COL4A2: variants seen among roughly 807,000 people sequenced by gnomAD.
The protein encoded by COL4A2 is collagen alpha-2(IV) chain.
Under a neutral mutation model 200.2 loss-of-function variants are expected in COL4A2, and 99 were observed. The ratio of observed to expected loss-of-function variants is 0.49; its 90% CI spans 0.42 to 0.58. The LOEUF (loss-of-function observed/expected upper bound fraction) is 0.58, where lower values mean the gene tolerates loss of function less well. COL4A2 is among the 20% of genes least tolerant of loss of function. COL4A2 has a pLI of 0.00. For synonymous variants in COL4A2, 897 were observed against 900.6 expected (o/e 1.00, Z 0.07); for missense variants, 1,950 against 2,314.1 (o/e 0.84, Z 3.23).
intron 6 of COL4A2, among the ~76,000 whole-genome samples, chr13:110,427,557 AG>A (rs1396032706): frequency 1.3e-5 from 2 of 152,262 alleles, no homozygotes; most frequent in East Asian, 3.8e-4. Context: ...TTTATTATCA[AG>A]AAAACTAAAG....
Position 110,457,368 on chromosome 13 carries a change from A to C in COL4A2, c.1365A>C (p.Ala455=). The part of the protein sequence containing the change: ...PDGFLFGLKG[A]KGRAGFPGLP... ...GCTTCCTGTTTGGGCTGAAAGGAGC[A>C]AAAGGAAGAGCAGGCTTCCCTGGGC... is the stretch of plus-strand genomic sequence containing the variant. Residue 455 remains alanine, a synonymous_variant, in exon 21 of 48, where the codon GCA becomes GCC. Transcript: ENST00000360467. 6.2e-7 allele frequency: 1 copy of C among 1,613,292 alleles called. No homozygotes were observed. Among genetic ancestry groups the C allele is most frequent in the Non-Finnish European group, 8.5e-7 (1 of 1,179,312 alleles).
In COL4A2 at chr13:110,503,955, C is replaced by G; in HGVS notation, c.4247C>G (p.Pro1416Arg). The G allele has an allele frequency of 1.9e-6, 3 of 1,571,658 alleles. No homozygotes were observed. The highest frequency in any genetic ancestry group is 2.6e-6 in the Non-Finnish European group (3 of 1,157,976). The change falls in exon 44 of 48, where the codon CCG (proline) becomes CGG (arginine). Residue 1416 changes from proline to arginine, a missense_variant. Physicochemically the swap from Pro to Arg is moderately radical, Grantham distance 103 (BLOSUM62 -2). Coordinates refer to ENST00000360467, the MANE Select transcript of COL4A2 (RefSeq NM_001846.4). ...GGGAGGCGAGGCCCCCCTGGGGCACCGGGGGAGATGGGGCCCCAGGGCCCC... is the reference window on the plus strand; with the variant it reads ...GGGAGGCGAGGCCCCCCTGGGGCACGGGGGGAGATGGGGCCCCAGGGCCCC... ...PQGRRGPPGA[P>R]GEMGPQGPPG... is the part of the protein sequence containing the mutation.
intron 24 of COL4A2, among the ~76,000 whole-genome samples, chr13:110,464,741 C>G (rs1267789573): frequency 2.0e-5 from 3 of 152,142 alleles, no homozygotes; most frequent in Non-Finnish European, 4.4e-5. Context: ...GGAGCTTATG[C>G]GCATGGCTGT....
chr13:110,392,428 G>T (rs1879022297), intron 4 of COL4A2, among the ~76,000 whole-genome samples: 1 of 152,194 alleles, frequency 6.6e-6, no homozygotes, highest in Non-Finnish European at 1.5e-5. Flanking sequence ...CCCGAAGTCT[G>T]CAGGAACCAG....
At chr13:110,331,675 A>G (rs1459240191) in intron 3 of COL4A2, among the ~76,000 whole-genome samples, 1 of 152,172 alleles carries the variant, frequency 6.6e-6, no homozygotes, top group African/African-American at 2.4e-5. Context: ...GCAATATTCC[A>G]AACACCGACT....
chr13:110,371,766 A>G (rs886335148), intron 4 of COL4A2, among the ~76,000 whole-genome samples: 1 of 151,962 alleles, frequency 6.6e-6, no homozygotes, highest in Non-Finnish European at 1.5e-5. Context: ...CGTCTGGGAT[A>G]TGGGAAAGCC....
chr13:110,461,088 G>A (rs1190043920), intron 22 of COL4A2, among the ~76,000 whole-genome samples: 3 of 152,224 alleles, frequency 2.0e-5, no homozygotes, highest in Admixed American at 6.5e-5. Flanking sequence ...CCTGCTCATC[G>A]TGGAAAGAGC....
intron 29 of COL4A2, 111 bp downstream of exon 29, chr13:110,473,261 T>A: frequency 1.1e-6 from 1 of 926,386 alleles, no homozygotes; most frequent in Non-Finnish European, 1.6e-6. Flanking sequence ...TGCCCTATAG[T>A]GCTAGCCATG....
intron 4 of COL4A2, among the ~76,000 whole-genome samples, chr13:110,409,133 GCA>G (rs907393901): frequency 6.4e-5 from 9 of 140,410 alleles, no homozygotes; most frequent in African/African-American, 1.9e-4. Context: ...ACATGCACAT[GCA>G]CACACGCACA....
At chr13:110,484,170 G>GTTCA (rs1883031998) in intron 32 of COL4A2, among the ~76,000 whole-genome samples, 1 of 152,102 alleles carries the variant, frequency 6.6e-6, no homozygotes, top group East Asian at 1.9e-4. Flanking sequence ...CCTCCTTAGG[G>GTTCA]TGAAGTTAAC....
chr13:110,388,043 T>C (rs1343197575), intron 4 of COL4A2, among the ~76,000 whole-genome samples: 1 of 152,130 alleles, frequency 6.6e-6, no homozygotes, highest in East Asian at 1.9e-4. Flanking sequence ...GACTAAATGA[T>C]GATTATGTTA....
intron 3 of COL4A2, among the ~76,000 whole-genome samples, chr13:110,346,341 A>G (rs909201140): frequency 3.9e-5 from 6 of 152,170 alleles, no homozygotes; most frequent in Non-Finnish European, 8.8e-5. Flanking sequence ...ATATATCTAA[A>G]TTGCAATGAA....
At chr13:110,446,007 C>A in intron 17 of COL4A2, 125 bp downstream of exon 17, 1 of 984,584 alleles carries the variant, frequency 1.0e-6, no homozygotes, top group Non-Finnish European at 1.6e-6. Context: ...TCCCCAAATA[C>A]ACGGCCTCTG....
At chr13:110,385,333 A>T (rs998817934) in intron 4 of COL4A2, among the ~76,000 whole-genome samples, 1 of 152,232 alleles carries the variant, frequency 6.6e-6, no homozygotes, top group African/African-American at 2.4e-5. Context: ...GGCTGTTCCC[A>T]TGAAGAAAAT....
chr13:110,351,123 A>G (rs928543017), intron 3 of COL4A2, among the ~76,000 whole-genome samples: 6 of 151,912 alleles, frequency 3.9e-5, no homozygotes, highest in Admixed American at 1.3e-4. Context: ...ATCTCGGCTC[A>G]CTGCAACCTC....
chr13:110,430,238 T>A, intron 8 of COL4A2, 163 bp from the exon 9 acceptor site: 1 of 838,690 alleles, frequency 1.2e-6, no homozygotes, highest in Non-Finnish European at 1.7e-6. Context: ...ATATTCTGAC[T>A]AAATAACAAT....
At chr13:110,482,391 C>T in intron 31 of COL4A2, 125 bp from the exon 32 acceptor site, 1 of 1,041,794 alleles carries the variant, frequency 9.6e-7, no homozygotes, top group Non-Finnish European at 1.4e-6. Flanking sequence ...CCCGGAAATC[C>T]CTATTTTAGG....
At chr13:110,357,256 A>G (rs1877317008) in intron 3 of COL4A2, among the ~76,000 whole-genome samples, 1 of 152,114 alleles carries the variant, frequency 6.6e-6, no homozygotes. Context: ...TGGGAGAGAC[A>G]GGGGTATATT....
intron 6 of COL4A2, among the ~76,000 whole-genome samples, chr13:110,428,205 A>G (rs1055847115): frequency 6.6e-6 from 1 of 152,226 alleles, no homozygotes; most frequent in African/African-American, 2.4e-5. Context: ...AGTAAGACAG[A>G]AGAAACCCCG....
Sources: allele counts gnomAD v4.1 joint callset (sites outside exome capture counted in the v4.1 genomes callset), GRCh38; gene constraint gnomAD v4.1.1; transcripts MANE v1.5; gene names NCBI Gene and HGNC (gene_info 2026-07-23, HGNC 2026-07-21).